Variants in MOB3B observed in about 807,000 individuals in gnomAD.
The protein encoded by MOB3B is MOB kinase activator-like 2B.
In MOB3B, 7 loss-of-function variants were observed where a neutral mutation model predicts 18.7. The ratio of observed to expected loss-of-function variants is 0.37; its 90% CI spans 0.21 to 0.70. The LOEUF (loss-of-function observed/expected upper bound fraction) is 0.70, where lower values mean the gene tolerates loss of function less well. Ranked by LOEUF, MOB3B falls within the 30% of genes least tolerant of loss-of-function variation. The pLI is 0.52. For synonymous variants in MOB3B, 111 were observed against 99.9 expected (o/e 1.11, Z -0.66); for missense variants, 253 against 281.3 (o/e 0.90, Z 0.72).
At chr9:27,418,960 G>C (rs1335353097) in intron 2 of MOB3B, among the ~76,000 whole-genome samples, 1 of 151,392 alleles carries the variant, frequency 6.6e-6, no homozygotes, top group African/African-American at 2.4e-5. Flanking sequence ...CAACATTTCT[G>C]GATACAAGAT....
intron 2 of MOB3B, among the ~76,000 whole-genome samples, chr9:27,410,949 T>C (rs557877711): frequency 6.6e-6 from 1 of 152,218 alleles, no homozygotes; most frequent in Non-Finnish European, 1.5e-5. Flanking sequence ...TTTGAAAACA[T>C]GATTTTTAAT....
chr9:27,374,907 GAA>G (rs1821470326), intron 2 of MOB3B, among the ~76,000 whole-genome samples: 1 of 152,198 alleles, frequency 6.6e-6, no homozygotes, highest in Admixed American at 6.5e-5. Context: ...CCCTTGAGAG[GAA>G]AAGTTACCTG....
chr9:27,334,299 C>T (rs919419886), intron 3 of MOB3B, among the ~76,000 whole-genome samples: 33 of 151,976 alleles, frequency 2.2e-4, no homozygotes, highest in African/African-American at 7.0e-4. Flanking sequence ...TTGTCCTTTG[C>T]GGAGTCTGAA....
chr9:27,343,136 A>C (rs575753992), intron 3 of MOB3B, among the ~76,000 whole-genome samples: 1 of 151,994 alleles, frequency 6.6e-6, no homozygotes, highest in East Asian at 1.9e-4. Context: ...ACTAAGAAAA[A>C]GTCTTCTGCC....
chr9:27,369,417 C>T (rs2131365312), intron 2 of MOB3B, among the ~76,000 whole-genome samples: 1 of 152,366 alleles, frequency 6.6e-6, no homozygotes, highest in South Asian at 2.1e-4. Flanking sequence ...TCACCTCCTG[C>T]CTAGTTTATG....
At chr9:27,515,557 G>T (rs79195511) in intron 1 of MOB3B, among the ~76,000 whole-genome samples, 3,735 of 152,278 alleles carry the variant, frequency 0.025, 136 homozygotes, top group African/African-American at 0.084. Context: ...CTTAATAATT[G>T]TTAAATTAAA....
chr9:27,440,726 A>ACTC (rs1329549338), intron 2 of MOB3B, among the ~76,000 whole-genome samples: 4 of 129,740 alleles, frequency 3.1e-5, no homozygotes, highest in Non-Finnish European at 6.6e-5. Context: ...AAATCAGAAG[A>ACTC]TTCATTTTTT....
intron 1 of MOB3B, among the ~76,000 whole-genome samples, chr9:27,479,626 C>A (rs531803791): frequency 1.3e-5 from 2 of 152,138 alleles, no homozygotes; most frequent in South Asian, 4.1e-4. Context: ...TTTATAAACA[C>A]CCCTACTCAA....
intron 2 of MOB3B, among the ~76,000 whole-genome samples, chr9:27,433,462 T>C (rs1390631945): frequency 2.0e-5 from 3 of 152,160 alleles, no homozygotes; most frequent in Admixed American, 2.0e-4. Flanking sequence ...GGGTGCAAAC[T>C]TAATCATTTA....
At chr9:27,465,590 C>T (rs1356340260) in intron 1 of MOB3B, among the ~76,000 whole-genome samples, 1 of 152,226 alleles carries the variant, frequency 6.6e-6, no homozygotes, top group African/African-American at 2.4e-5. Context: ...GGCTCCAACC[C>T]CACATTTCCC....
intron 2 of MOB3B, among the ~76,000 whole-genome samples, chr9:27,384,038 T>TA (rs2131376644): frequency 6.6e-6 from 1 of 152,336 alleles, no homozygotes; most frequent in East Asian, 1.9e-4. Flanking sequence ...GAAACCTGCT[T>TA]ATTTTCAATG....
rs538730060 is a variant in MOB3B at position 27,475,772 on chromosome 9, T to C, written c.-198-20024A>G. Among the ~76,000 whole-genome samples the C allele has an allele frequency of 4.6e-5, 7 of 152,338 alleles. No individual in the cohort carries two copies. In the East Asian group the frequency reaches 1.2e-3, roughly 25 times the overall value. ...TCTGTCTAATCAATTTGAAAGTATA[T>C]CATTTACTTCAAATTGCCAACACAT... On this transcript the variant is annotated intron_variant, in intron 1 of 3. Coordinates refer to ENST00000262244, the MANE Select transcript of MOB3B (RefSeq NM_024761.5).
At chr9:27,506,832 ATT>A (rs71492749) in intron 1 of MOB3B, among the ~76,000 whole-genome samples, 9,529 of 120,424 alleles carry the variant, frequency 0.079, 289 homozygotes, top group Non-Finnish European at 0.11. Flanking sequence ...ACCCCGGCTA[ATT>A]TTTTTTTTTT....
At chr9:27,419,628 A>G (rs1046879774) in intron 2 of MOB3B, among the ~76,000 whole-genome samples, 7 of 152,216 alleles carry the variant, frequency 4.6e-5, no homozygotes, top group African/African-American at 1.7e-4. Flanking sequence ...CTGGATCCTC[A>G]TCTCTCGCCT....
intron 2 of MOB3B, among the ~76,000 whole-genome samples, chr9:27,444,490 A>G (rs1050215235): frequency 3.3e-5 from 5 of 152,222 alleles, no homozygotes; most frequent in African/African-American, 1.2e-4. Context: ...AGGTACATAT[A>G]TGAAAAAGTG....
intron 3 of MOB3B, among the ~76,000 whole-genome samples, chr9:27,343,165 A>G (rs939205406): frequency 1.3e-5 from 2 of 151,738 alleles, no homozygotes; most frequent in Admixed American, 6.6e-5. Flanking sequence ...CTGTTAATCT[A>G]TAACTTTACC....
At chr9:27,478,766 T>C (rs1355539895) in intron 1 of MOB3B, among the ~76,000 whole-genome samples, 2 of 151,600 alleles carry the variant, frequency 1.3e-5, no homozygotes. Flanking sequence ...GCAATACATA[T>C]GTTCTTGATT....
chr9:27,403,036 G>A (rs533451969), intron 2 of MOB3B, among the ~76,000 whole-genome samples: 1 of 152,278 alleles, frequency 6.6e-6, no homozygotes, highest in East Asian at 1.9e-4. Flanking sequence ...CAACAGGGAA[G>A]CAGGTTAAAA....
intron 2 of MOB3B, among the ~76,000 whole-genome samples, chr9:27,372,209 A>T (rs1281573978): frequency 2.0e-5 from 3 of 152,150 alleles, no homozygotes; most frequent in Non-Finnish European, 4.4e-5. Context: ...ATAAAAACAC[A>T]ATGACAGGGG....
Sources: allele counts gnomAD v4.1 joint callset (sites outside exome capture counted in the v4.1 genomes callset), GRCh38; gene constraint gnomAD v4.1.1; transcripts MANE v1.5; gene names NCBI Gene and HGNC (gene_info 2026-07-23, HGNC 2026-07-21).